Variants in LIN28B observed in about 807,000 individuals in gnomAD.
LIN28B encodes the protein lin-28 RNA binding posttranscriptional regulator B, also known as protein lin-28 homolog B.
Under a neutral mutation model 21.9 loss-of-function variants are expected in LIN28B, and 5 were observed. The observed-to-expected ratio is 0.23, with a 90% CI of 0.12 to 0.48. The LOEUF is 0.48. Among genes scored for constraint, LIN28B ranks in the 20% least tolerant of loss-of-function variants. The probability of loss-of-function intolerance (pLI) is 0.98; values close to 1 mark genes in which losing one functional copy is unlikely to be tolerated. For missense variants in LIN28B, 245 were observed against 310.5 expected (o/e 0.79, Z 1.58); for synonymous variants, 109 against 111.3 (o/e 0.98, Z 0.13).
chr6:104,984,604 T>C (rs562836972), intron 2 of LIN28B, among the ~76,000 whole-genome samples: 47 of 152,202 alleles, frequency 3.1e-4, no homozygotes, highest in African/African-American at 1.1e-3. Context: ...CAGCTAATTA[T>C]TTTTTAGTTT....
At chr6:105,068,619 G>A (rs1772266138) in intron 3 of LIN28B, among the ~76,000 whole-genome samples, 1 of 152,044 alleles carries the variant, frequency 6.6e-6, no homozygotes, top group South Asian at 2.1e-4. Context: ...CCAAACACAC[G>A]ATTTATTATG....
chr6:104,943,646 A>G (rs1384773996), intron 2 of LIN28B, among the ~76,000 whole-genome samples: 1 of 152,108 alleles, frequency 6.6e-6, no homozygotes, highest in Non-Finnish European at 1.5e-5. Context: ...CTTATTAGGT[A>G]TTTTTTAATA....
intron 2 of LIN28B, among the ~76,000 whole-genome samples, chr6:104,999,241 G>C (rs1375388954): frequency 1.3e-5 from 2 of 152,132 alleles, no homozygotes; most frequent in African/African-American, 4.8e-5. Context: ...TAAGGCTCAA[G>C]AGATCCTCCT....
chr6:105,072,210 A>G (rs1772345953), intron 3 of LIN28B, among the ~76,000 whole-genome samples: 2 of 152,208 alleles, frequency 1.3e-5, no homozygotes, highest in African/African-American at 4.8e-5. Flanking sequence ...TCAAAATGGA[A>G]GTGAAATTTA....
intron 2 of LIN28B, among the ~76,000 whole-genome samples, chr6:104,997,515 A>G (rs1770635624): frequency 6.6e-6 from 1 of 151,936 alleles, no homozygotes. Context: ...CCAATATAAT[A>G]TAGTACCAAC....
chr6:105,020,107 CTTTTTTTTTTTT>C (rs1158938023), intron 2 of LIN28B, among the ~76,000 whole-genome samples: 2 of 87,610 alleles, frequency 2.3e-5, no homozygotes, highest in Non-Finnish European at 4.4e-5. Context: ...TCCTGTTATT[CTTTTTTTTTTTT>C]TTTTTTTTTT....
At chr6:105,065,165 A>T (rs1772197720) in intron 3 of LIN28B, among the ~76,000 whole-genome samples, 1 of 152,174 alleles carries the variant, frequency 6.6e-6, no homozygotes, top group Non-Finnish European at 1.5e-5. Context: ...CCCTTAAGGG[A>T]TCAGTGATCA....
Position 104,958,206 on chromosome 6 carries a change from C to T in LIN28B, c.118C>T (p.Arg40Cys), listed in dbSNP as rs1296827918. The T allele has an allele frequency of 6.2e-7, 1 of 1,605,288 alleles. No homozygotes were observed. The highest frequency in any genetic ancestry group is 1.1e-5 in the South Asian group (1 of 90,326). Residue 40 changes from arginine (R) to cysteine (C), a missense_variant, in exon 2 of 4, where the codon CGC becomes TGC. Transcript: ENST00000345080. ...GTGHCKWFNV[R>C]MGFGFISMIN... ...TGGCCACTGTAAGTGGTTCAATGTG[C>T]GCATGGGATTTGGATTCATCTCCAT...
intron 2 of LIN28B, among the ~76,000 whole-genome samples, chr6:104,962,621 G>A (rs1397468145): frequency 6.6e-6 from 1 of 151,956 alleles, no homozygotes; most frequent in Non-Finnish European, 1.5e-5. Context: ...CTTACACATA[G>A]TTCAATCAAT....
intron 2 of LIN28B, among the ~76,000 whole-genome samples, chr6:105,016,059 AC>A (rs1323305683): frequency 6.6e-6 from 1 of 152,170 alleles, no homozygotes; most frequent in Admixed American, 6.5e-5. Flanking sequence ...CAACATTAAT[AC>A]CATAGAAGTA....
intron 2 of LIN28B, among the ~76,000 whole-genome samples, chr6:104,993,959 A>G (rs1277905119): frequency 1.3e-5 from 2 of 152,170 alleles, no homozygotes; most frequent in African/African-American, 2.4e-5. Context: ...AGCAGAAAAT[A>G]TTTATCTCTA....
At chr6:104,991,685 G>A (rs1050955999) in intron 2 of LIN28B, among the ~76,000 whole-genome samples, 4 of 152,010 alleles carry the variant, frequency 2.6e-5, no homozygotes, top group African/African-American at 7.2e-5. Flanking sequence ...AGGTTGTAGC[G>A]AGCCGAGATC....
chr6:105,025,152 C>T (rs918712298), intron 2 of LIN28B, among the ~76,000 whole-genome samples: 1 of 152,068 alleles, frequency 6.6e-6, no homozygotes, highest in Non-Finnish European at 1.5e-5. Context: ...TTATTCAAAG[C>T]AATATAGCAG....
intron 3 of LIN28B, among the ~76,000 whole-genome samples, chr6:105,053,984 TC>T (rs370822028): frequency 2.9e-4 from 44 of 152,284 alleles, no homozygotes; most frequent in African/African-American, 1.0e-3. Context: ...TCTCAGGTGA[TC>T]CACCTGCCTC....
intron 3 of LIN28B, among the ~76,000 whole-genome samples, chr6:105,049,299 T>C (rs1771841118): frequency 6.6e-6 from 1 of 152,228 alleles, no homozygotes; most frequent in African/African-American, 2.4e-5. Flanking sequence ...AGTTTCCATG[T>C]AGTTGAGCGG....
At position 105,031,247 on chromosome 6, in the gene LIN28B, A is replaced by G. The variant is rs556199086; in HGVS notation, c.383+4765A>G. Among the ~76,000 whole-genome samples, 4 of 152,158 alleles carry G rather than the reference A, an allele frequency of 2.6e-5. No individual in the cohort carries two copies. The South Asian group carries it at 6.2e-4, about 24-fold the overall frequency. On this transcript the variant is annotated intron_variant, in intron 3 of 3. Transcript: ENST00000345080. ...TTATTTTACTGGTCAAATTTCCCAG[A>G]TTTGACCAGTAGGAGCCCCTTCAGG...
At chr6:105,001,788 A>C (rs968022461) in intron 2 of LIN28B, among the ~76,000 whole-genome samples, 1 of 152,242 alleles carries the variant, frequency 6.6e-6, no homozygotes, top group African/African-American at 2.4e-5. Flanking sequence ...CCCTAAGAAT[A>C]AAATGAGCTC....
At chr6:105,039,888 C>A (rs1200897936) in intron 3 of LIN28B, among the ~76,000 whole-genome samples, 2 of 152,028 alleles carry the variant, frequency 1.3e-5, no homozygotes, top group Non-Finnish European at 2.9e-5. Context: ...TGTACCTATT[C>A]TTTTCTTAGG....
chr6:104,991,891 A>G (rs1049665973), intron 2 of LIN28B, among the ~76,000 whole-genome samples: 10 of 152,172 alleles, frequency 6.6e-5, no homozygotes, highest in African/African-American at 1.9e-4. Flanking sequence ...TGCGCCTGCA[A>G]TCGCAGGCAC....
Sources: allele counts gnomAD v4.1 joint callset (sites outside exome capture counted in the v4.1 genomes callset), GRCh38; gene constraint gnomAD v4.1.1; transcripts MANE v1.5; gene names NCBI Gene and HGNC (gene_info 2026-07-23, HGNC 2026-07-21).